Variants in PTPRZ1 observed in about 807,000 individuals in gnomAD.
PTPRZ1 encodes receptor-type tyrosine-protein phosphatase zeta.
In PTPRZ1, 82 loss-of-function variants were observed where a neutral mutation model predicts 214.1. The observed-to-expected ratio is 0.38, with a 90% confidence interval of 0.32 to 0.46. The LOEUF (loss-of-function observed/expected upper bound fraction) is 0.46, where lower values mean the gene tolerates loss of function less well. Ranked by LOEUF, PTPRZ1 falls within the 20% of genes least tolerant of loss-of-function variation. The pLI is 1.00. For synonymous variants in PTPRZ1, 945 were observed against 987.9 expected (o/e 0.96, Z 0.81); for missense variants, 2,603 against 2,748.7 (o/e 0.95, Z 1.19).
chr7:122,004,398 G>A (rs1345657074), intron 10 of PTPRZ1, among the ~76,000 whole-genome samples: 3 of 152,100 alleles, frequency 2.0e-5, no homozygotes, highest in South Asian at 2.1e-4. Flanking sequence ...CAAGATTTGG[G>A]TAGAGTTACA....
At chr7:121,934,235 C>T (rs1229435296) in intron 2 of PTPRZ1, among the ~76,000 whole-genome samples, 2 of 152,114 alleles carry the variant, frequency 1.3e-5, no homozygotes, top group East Asian at 1.9e-4. Flanking sequence ...GCAAGAAGGG[C>T]AAAGGTAGTT....
At chr7:121,937,817 G>C (rs1318578802) in intron 2 of PTPRZ1, among the ~76,000 whole-genome samples, 1 of 152,170 alleles carries the variant, frequency 6.6e-6, no homozygotes, top group African/African-American at 2.4e-5. Flanking sequence ...AGGAGACTTA[G>C]TGTGATAAGA....
At chr7:122,021,886 A>C (rs900450817) in intron 13 of PTPRZ1, among the ~76,000 whole-genome samples, 1 of 152,234 alleles carries the variant, frequency 6.6e-6, no homozygotes, top group African/African-American at 2.4e-5. Context: ...TAATTCACTA[A>C]AAAATATAAA....
chr7:122,048,804 C>G (rs1186987472), intron 23 of PTPRZ1, among the ~76,000 whole-genome samples: 2 of 152,010 alleles, frequency 1.3e-5, no homozygotes, highest in Admixed American at 1.3e-4. Context: ...CACATTTTAC[C>G]AATTTTTAAG....
Position 121,928,000 on chromosome 7 carries a change from A to G in PTPRZ1, c.59-156A>G, listed in dbSNP as rs115943180. Among the ~76,000 whole-genome samples the G allele has an allele frequency of 4.6e-5, 7 of 152,360 alleles. 1 individual carries two copies. The highest frequency in any genetic ancestry group is 1.7e-4 in the African/African-American group (7 of 41,592). ...CAGAACTAGGGCATTGGAGTGTATA[A>G]TATAATGGTGGTGGTTGAGGTTGAG... On this transcript the variant is annotated intron_variant, in intron 1 of 29. Coordinates refer to ENST00000393386, the MANE Select transcript of PTPRZ1 (RefSeq NM_002851.3).
intron 13 of PTPRZ1, among the ~76,000 whole-genome samples, chr7:122,022,355 T>G (rs1366407741): frequency 6.6e-6 from 1 of 152,220 alleles, no homozygotes; most frequent in African/African-American, 2.4e-5. Flanking sequence ...TTGCTGCCTA[T>G]TTTTTAATTG....
intron 4 of PTPRZ1, among the ~76,000 whole-genome samples, chr7:121,975,911 T>G (rs1386505341): frequency 6.6e-6 from 1 of 152,164 alleles, no homozygotes; most frequent in Non-Finnish European, 1.5e-5. Flanking sequence ...GCAGTTAAAG[T>G]AATATATGAT....
At chr7:121,921,894 A>T (rs1265067960) in intron 1 of PTPRZ1, among the ~76,000 whole-genome samples, 1 of 152,198 alleles carries the variant, frequency 6.6e-6, no homozygotes, top group Non-Finnish European at 1.5e-5. Context: ...ATACTATCTG[A>T]ATTACCATAA....
chr7:121,913,797 A>T (rs930263870), intron 1 of PTPRZ1, among the ~76,000 whole-genome samples: 1 of 152,148 alleles, frequency 6.6e-6, no homozygotes, highest in African/African-American at 2.4e-5. Context: ...GAAATTTCAA[A>T]TTATTTAATG....
intron 11 of PTPRZ1, among the ~76,000 whole-genome samples, chr7:122,008,962 A>G (rs1043762364): frequency 6.6e-6 from 1 of 152,124 alleles, no homozygotes; most frequent in Admixed American, 6.6e-5. Flanking sequence ...GGAATATTTT[A>G]TTTAGGAAAT....
At chr7:121,926,510 C>A (rs1325357247) in intron 1 of PTPRZ1, among the ~76,000 whole-genome samples, 3 of 151,960 alleles carry the variant, frequency 2.0e-5, no homozygotes, top group Non-Finnish European at 4.4e-5. Flanking sequence ...CATGTATAAA[C>A]CTCAAAAGCA....
intron 1 of PTPRZ1, among the ~76,000 whole-genome samples, chr7:121,911,158 T>C: frequency 6.6e-6 from 1 of 152,234 alleles, no homozygotes; most frequent in Admixed American, 6.5e-5. Context: ...AGGTTTAATA[T>C]TGTACTTATT....
chr7:122,046,152 G>A (rs773579997), intron 23 of PTPRZ1, among the ~76,000 whole-genome samples: 4 of 152,152 alleles, frequency 2.6e-5, no homozygotes, highest in Non-Finnish European at 5.9e-5. Context: ...AACACAAACA[G>A]GCCAGGTGCA....
chr7:122,052,030 G>A (rs149869967), intron 25 of PTPRZ1, 91 bp downstream of exon 25: 226 of 932,898 alleles, frequency 2.4e-4, no homozygotes, highest in Admixed American at 2.0e-3. Flanking sequence ...CTACAGGCAT[G>A]GGCAAATGAG....
At chr7:122,035,176 C>T (rs1032148484) in intron 17 of PTPRZ1, among the ~76,000 whole-genome samples, 6 of 152,118 alleles carry the variant, frequency 3.9e-5, no homozygotes, top group South Asian at 2.1e-4. Flanking sequence ...GTATTACCAA[C>T]GAGGTTATTT....
intron 11 of PTPRZ1, among the ~76,000 whole-genome samples, chr7:122,005,558 C>G (rs1012951216): frequency 2.0e-5 from 3 of 151,796 alleles, no homozygotes; most frequent in Admixed American, 6.6e-5. Flanking sequence ...GACCAGTCTA[C>G]TTTGTAACAG....
intron 1 of PTPRZ1, among the ~76,000 whole-genome samples, chr7:121,897,542 G>A (rs781731910): frequency 3.3e-5 from 5 of 152,104 alleles, no homozygotes; most frequent in Non-Finnish European, 7.4e-5. Context: ...AGCAATGCAC[G>A]ATGCTATCTG....
intron 14 of PTPRZ1, among the ~76,000 whole-genome samples, chr7:122,029,324 G>A (rs1799303077): frequency 1.3e-5 from 2 of 151,908 alleles, no homozygotes; most frequent in Admixed American, 1.3e-4. Context: ...TAATCCTAGA[G>A]TTTACACTAT....
intron 2 of PTPRZ1, among the ~76,000 whole-genome samples, chr7:121,965,756 A>G (rs948204220): frequency 2.6e-5 from 4 of 152,186 alleles, no homozygotes; most frequent in African/African-American, 4.8e-5. Context: ...TCCACTTACT[A>G]CATAGGTGGT....
Sources: allele counts gnomAD v4.1 joint callset (sites outside exome capture counted in the v4.1 genomes callset), GRCh38; gene constraint gnomAD v4.1.1; transcripts MANE v1.5; gene names NCBI Gene and HGNC (gene_info 2026-07-23, HGNC 2026-07-21).